The following LNPEP variants were observed in gnomAD, a reference collection of about 807,000 sequenced individuals.
LNPEP encodes leucyl and cystinyl aminopeptidase, also known as leucyl-cystinyl aminopeptidase.
A neutral mutation model predicts 120.6 loss-of-function variants in LNPEP; 64 were observed. The observed-to-expected ratio is 0.53, with a 90% confidence interval of 0.43 to 0.65. The LOEUF is 0.65. Among genes scored for constraint, LNPEP ranks in the 30% least tolerant of loss-of-function variants. LNPEP has a pLI of 0.00. For synonymous variants in LNPEP, 435 were observed against 425.4 expected (o/e 1.02, Z -0.28); for missense variants, 1,057 against 1,200.0 (o/e 0.88, Z 1.76).
intron 8 of LNPEP, among the ~76,000 whole-genome samples, chr5:97,000,969 G>A (rs1375746486): frequency 1.3e-5 from 2 of 152,172 alleles, no homozygotes; most frequent in African/African-American, 4.8e-5. Context: ...GTAAGCAGAG[G>A]AGAAAGTAGT....
At chr5:97,024,967 A>G (rs1171428924) in intron 15 of LNPEP, among the ~76,000 whole-genome samples, 2 of 152,184 alleles carry the variant, frequency 1.3e-5, no homozygotes, top group East Asian at 3.8e-4. Context: ...CTTATACACC[A>G]CAATTGGTAC....
At chr5:96,947,929 T>A (rs535719350) in intron 1 of LNPEP, among the ~76,000 whole-genome samples, 2 of 152,152 alleles carry the variant, frequency 1.3e-5, no homozygotes, top group Non-Finnish European at 2.9e-5. Context: ...CATTTTTCTC[T>A]TTTTGAATTT....
intron 13 of LNPEP, among the ~76,000 whole-genome samples, chr5:97,015,889 A>G (rs1049311214): frequency 6.6e-6 from 1 of 151,944 alleles, no homozygotes; most frequent in Non-Finnish European, 1.5e-5. Flanking sequence ...GGATTAAATC[A>G]TTTTTTTAAC....
chr5:97,005,845 A>G (rs960185077), intron 9 of LNPEP, among the ~76,000 whole-genome samples: 1 of 152,096 alleles, frequency 6.6e-6, no homozygotes, highest in African/African-American at 2.4e-5. Flanking sequence ...TCCCTTAGCT[A>G]TCACTTAGCT....
At chr5:97,012,388 A>G (rs1182888789) in intron 11 of LNPEP, among the ~76,000 whole-genome samples, 1 of 152,170 alleles carries the variant, frequency 6.6e-6, no homozygotes, top group African/African-American at 2.4e-5. Context: ...TTTTTTAAGT[A>G]TTTGTTACTT....
In LNPEP at chr5:97,033,471, A is replaced by G. The variant is rs1791510202; in HGVS notation, c.*4938A>G. ...ATTGCCCATGTGGGCAATACTTAAG[A>G]GTAGTTTGGGTTTATTGAAGATTTT... On this transcript the variant is annotated 3_prime_UTR_variant, in exon 18 of 18. Transcript: ENST00000231368. 6.6e-6 allele frequency: 1 copy of G among 152,102 alleles called. No homozygotes were observed. The highest frequency in any genetic ancestry group is 6.6e-5 in the Admixed American group (1 of 15,260). 9.4% of individuals were successfully genotyped at this position (152,102 alleles called of 1,614,324 possible).
intron 1 of LNPEP, among the ~76,000 whole-genome samples, chr5:96,961,759 A>G (rs1395818039): frequency 6.6e-6 from 1 of 152,148 alleles, no homozygotes; most frequent in Non-Finnish European, 1.5e-5. Context: ...AAAACATAAT[A>G]CAATGTAAAT....
At chr5:97,000,877 A>T (rs1272373477) in intron 8 of LNPEP, among the ~76,000 whole-genome samples, 2 of 152,264 alleles carry the variant, frequency 1.3e-5, no homozygotes, top group East Asian at 3.9e-4. Context: ...GAGATATGAG[A>T]TTGAGAGAGA....
chr5:97,025,592 C>G (rs1003602976), intron 15 of LNPEP, among the ~76,000 whole-genome samples: 2 of 152,156 alleles, frequency 1.3e-5, no homozygotes, highest in Non-Finnish European at 2.9e-5. Context: ...CTTCCATTCT[C>G]GTTTTCTCTG....
chr5:96,988,852 A>G (rs184782346), intron 4 of LNPEP, among the ~76,000 whole-genome samples: 212 of 152,080 alleles, frequency 1.4e-3, no homozygotes, highest in African/African-American at 4.8e-3. Context: ...GGCTCAAGCA[A>G]TCCTCCTGCC....
intron 6 of LNPEP, 86 bp downstream of exon 6, chr5:96,994,057 T>C: frequency 1.8e-6 from 2 of 1,129,564 alleles, no homozygotes; most frequent in Middle Eastern, 2.1e-4. Flanking sequence ...TGCTAATAAT[T>C]CTTTTTTTTT....
chr5:96,983,164 G>T (rs956379877), intron 2 of LNPEP, among the ~76,000 whole-genome samples: 2 of 152,098 alleles, frequency 1.3e-5, no homozygotes, highest in African/African-American at 4.8e-5. Context: ...TAGAGTCTGG[G>T]TCTTCTGACT....
At chr5:96,944,948 G>A (rs1169185985) in intron 1 of LNPEP, among the ~76,000 whole-genome samples, 1 of 152,138 alleles carries the variant, frequency 6.6e-6, no homozygotes, top group Non-Finnish European at 1.5e-5. Context: ...ATAGAAAGGA[G>A]TGTCTGGGTT....
chr5:97,003,784 GTT>G (rs1329394344), intron 9 of LNPEP, among the ~76,000 whole-genome samples: 1 of 149,176 alleles, frequency 6.7e-6, no homozygotes, highest in Non-Finnish European at 1.5e-5. Context: ...GTAGCCAGTT[GTT>G]TTTTTTTTTC....
chr5:96,999,511 G>A (rs541361160), intron 8 of LNPEP, among the ~76,000 whole-genome samples: 7 of 152,106 alleles, frequency 4.6e-5, no homozygotes, highest in Non-Finnish European at 8.8e-5. Context: ...ATTCCAATTA[G>A]AGCTACTGGT....
In LNPEP at chr5:97,024,587, C is replaced by A; in HGVS notation, c.2628C>A (p.Phe876Leu). The A allele has an allele frequency of 6.2e-7, 1 of 1,614,040 alleles. No homozygotes were observed. The highest frequency in any genetic ancestry group is 1.7e-5 in the Admixed American group (1 of 60,010). The change falls in exon 15 of 18, where the codon TTC (phenylalanine) becomes TTA (leucine). Residue 876 changes from phenylalanine to leucine, a missense_variant. Transcript: ENST00000231368. ...VGAKTDKGWS[F>L]LLGKYISIGS... Reference sequence around the variant, plus strand: ...CAAAAACTGACAAAGGCTGGTCATTCCTTTTGGGCAAATACATTTCTATAG... The same window carrying A: ...CAAAAACTGACAAAGGCTGGTCATTACTTTTGGGCAAATACATTTCTATAG...
intron 2 of LNPEP, among the ~76,000 whole-genome samples, chr5:96,984,580 G>T (rs1403972479): frequency 6.6e-6 from 1 of 151,960 alleles, no homozygotes; most frequent in Non-Finnish European, 1.5e-5. Context: ...ATTTTGTCAT[G>T]CTTTAAGACC....
intron 4 of LNPEP, among the ~76,000 whole-genome samples, chr5:96,992,324 C>G (rs1790408952): frequency 6.6e-6 from 1 of 151,988 alleles, no homozygotes; most frequent in Admixed American, 6.6e-5. Context: ...AAGTGTTTCT[C>G]TGTATAATAT....
At position 96,979,666 on chromosome 5, in the gene LNPEP, C is replaced by T. The variant is rs779400752; in HGVS notation, c.548C>T (p.Pro183Leu). The part of the protein sequence containing the change: ...VPLRYELSLH[P>L]NLTSMTFRGS... ...CTACGCTATGAACTCAGCCTACACC[C>T]GAACCTAACCTCGATGACATTCAGG... is the stretch of plus-strand genomic sequence containing the variant. Residue 183 changes from proline (P) to leucine (L), a missense_variant, in exon 2 of 18, where the codon CCG becomes CTG. By Grantham distance (98) the Pro-to-Leu change is moderately conservative. Transcript: ENST00000231368. The T allele has an allele frequency of 1.1e-5, 17 of 1,613,972 alleles. No homozygotes were observed. The highest frequency in any genetic ancestry group is 9.3e-5 in the African/African-American group (7 of 74,922).
Sources: gnomAD v4.1 joint callset for allele counts (sites outside exome capture counted in the v4.1 genomes callset) on GRCh38, gnomAD v4.1.1 for gene constraint, MANE v1.5 for transcripts, NCBI Gene and HGNC (gene_info 2026-07-23, HGNC 2026-07-21) for gene names.